Variants in ADAM15 observed in about 807,000 individuals in gnomAD.
ADAM15 encodes the protein ADAM metallopeptidase domain 15.
ADAM15 carries 77 observed loss-of-function variants against 113.8 expected under a neutral mutation model. That is an observed-to-expected ratio of 0.68 (90% CI 0.56 to 0.82). The LOEUF is 0.82. Among genes scored for constraint, ADAM15 ranks in the 40% least tolerant of loss-of-function variants. The probability of loss-of-function intolerance (pLI) is 0.00; values close to 1 mark genes in which losing one functional copy is unlikely to be tolerated. For synonymous variants in ADAM15, 388 were observed against 454.1 expected (o/e 0.85, Z 1.85); for missense variants, 963 against 1,120.1 (o/e 0.86, Z 2.00).
chr1:155,062,349 G>T lies in ADAM15; in HGVS notation c.2529G>T (p.Pro843=). The stretch of plus-strand genomic sequence containing the variant: ...TGCCCGGCCCAGGGGCTGGAATCCC[G>T]CCCCTAGTGGTACCCTCCAGGTAGG... ...GDLPGPGAGI[P]PLVVPSRPAP... The change falls in exon 22 of 23, where the codon CCG becomes CCT. Residue 843 remains proline (P), a synonymous_variant. Coordinates refer to ENST00000356955, the MANE Select transcript of ADAM15 (RefSeq NM_207197.3). This position sits in a 1 kb window ranked among gnomAD's most constrained non-coding sequence, Gnocchi z 7.0. 6.3e-7 allele frequency: 1 copy of T among 1,575,540 alleles called. No homozygotes were observed. The highest frequency in any genetic ancestry group is 8.6e-7 in the Non-Finnish European group (1 of 1,159,602).
intron 16 of ADAM15, 36 bp from the exon 17 acceptor site, chr1:155,059,866 T>G (rs749230670): frequency 1.3e-5 from 21 of 1,602,082 alleles, no homozygotes; most frequent in Non-Finnish European, 1.6e-5. Flanking sequence ...AGTTCCAGAG[T>G]GCAGAGCTCC....
chr1:155,053,107 A>ACCCCCCC (rs5777934), intron 2 of ADAM15, among the ~76,000 whole-genome samples: 196 of 102,336 alleles, frequency 1.9e-3, no homozygotes, highest in Non-Finnish European at 2.6e-3. Context: ...ACCTTACCAA[A>ACCCCCCC]CCCCCCCCCC....
rs201298826 is a variant in ADAM15 at position 155,054,471 on chromosome 1, C to G, written c.577C>G (p.Pro193Ala). 9.8e-5 allele frequency: 156 copies of G among 1,595,432 alleles called. No individual in the cohort carries two copies. Among genetic ancestry groups the G allele is most frequent in the East Asian group, 2.5e-4 (11 of 44,526 alleles). ...WRESVHTQKP[P>A]EHPLGQRHIR... ...GGAATCTGTACACACTCAGAAGCCACCAGAGCACCCCCTGGGACAGCGCCA... is the reference window on the plus strand; with the variant it reads ...GGAATCTGTACACACTCAGAAGCCAGCAGAGCACCCCCTGGGACAGCGCCA... The change falls in exon 6 of 23, where the codon CCA (proline) becomes GCA (alanine). Residue 193 changes from proline (P) to alanine (A), a missense_variant. Physicochemically the swap from Pro to Ala is conservative, Grantham distance 27. Transcript: ENST00000356955.
At position 155,058,510 on chromosome 1, in the gene ADAM15, A is replaced by T; in HGVS notation, c.1917+69A>T. ...TTGGACCACAATGAACAGAGCCCAG[A>T]CTTCACCATTCACCAATGTCAAAGG... On this transcript the variant is annotated intron_variant, in intron 15 of 22. Coordinates refer to ENST00000356955, the MANE Select transcript of ADAM15 (RefSeq NM_207197.3). The surrounding 1 kb of genome is among the most constrained non-coding windows in gnomAD (Gnocchi z 4.3). The T allele has an allele frequency of 6.3e-7, 1 of 1,579,938 alleles. No individual in the cohort carries two copies. Among genetic ancestry groups the T allele is most frequent in the Admixed American group, 1.8e-5 (1 of 54,988 alleles).
At chr1:155,052,879 G>A in intron 2 of ADAM15, 102 bp downstream of exon 2, 1 of 1,459,980 alleles carries the variant, frequency 6.8e-7, no homozygotes, top group Non-Finnish European at 9.2e-7. Flanking sequence ...GGTGGGTAGA[G>A]CTCACTGTAG....
At chr1:155,059,452 C>T (rs1220382740) in intron 16 of ADAM15, among the ~76,000 whole-genome samples, 2 of 152,062 alleles carry the variant, frequency 1.3e-5, no homozygotes, top group African/African-American at 4.8e-5. Flanking sequence ...AGTGAGACCC[C>T]CATCTCTTTC....
In ADAM15 at chr1:155,056,387, G is replaced by T. The variant is rs1661767283; in HGVS notation, c.916G>T (p.Gly306Cys). The change falls in exon 10 of 23, where the codon GGT (glycine) becomes TGT (cysteine). Residue 306 changes from glycine (G) to cysteine (C), a missense_variant and splice_region_variant. Gly to Cys is a radical substitution (Grantham distance 159, BLOSUM62 -3). Coordinates refer to ENST00000356955, the MANE Select transcript of ADAM15 (RefSeq NM_207197.3). This position sits in a 1 kb window ranked among gnomAD's most constrained non-coding sequence, Gnocchi z 4.0. ...LPHDSAQLVT[G>C]TSFSGPTVGM... Reference sequence around the variant, plus strand: ...AACTTTAGCCTCTCTGTCCCACAGTGGTACTTCATTCTCTGGGCCTACGGT... The same window carrying T: ...AACTTTAGCCTCTCTGTCCCACAGTTGTACTTCATTCTCTGGGCCTACGGT... 1.9e-6 allele frequency: 3 copies of T among 1,614,036 alleles called. No individual in the cohort carries two copies. Among genetic ancestry groups the T allele is most frequent in the Non-Finnish European group, 1.7e-6 (2 of 1,179,952 alleles).
At position 155,051,416 on chromosome 1, in the gene ADAM15, G is replaced by A; in HGVS notation, c.30G>A (p.Gly10=). 2 of 1,561,536 alleles carry A rather than the reference G, an allele frequency of 1.3e-6. No individual in the cohort carries two copies. Among genetic ancestry groups the A allele is most frequent in the African/African-American group, 1.4e-5 (1 of 71,676 alleles). The change falls in exon 1 of 23, where the codon GGG becomes GGA. Residue 10 remains glycine (G), a synonymous_variant. Coordinates refer to ENST00000356955, the MANE Select transcript of ADAM15 (RefSeq NM_207197.3). ...GGCTGGCGCTGCTCTGGGCCCTGGG[G>A]CTCCTGGGCGCGGGCAGCCCTCTGC... The part of the protein sequence containing the change: MRLALLWAL[G]LLGAGSPLPS...
rs1368127873 is a variant in ADAM15, at chr1:155,058,337, G to A, written c.1813G>A (p.Val605Met). 1.2e-6 allele frequency: 2 copies of A among 1,614,078 alleles called. No homozygotes were observed. The highest frequency in any genetic ancestry group is 1.3e-5 in the African/African-American group (1 of 75,064). ...IRDLLWETID[V>M]NGTELNCSWV... Reference sequence around the variant, plus strand: ...GGATCTACTCTGGGAGACAATAGATGTGAATGGGACTGAGCTGAACTGCAG... The same window carrying A: ...GGATCTACTCTGGGAGACAATAGATATGAATGGGACTGAGCTGAACTGCAG... The change falls in exon 15 of 23, where the codon GTG becomes ATG. Residue 605 changes from valine to methionine, a missense_variant. Val to Met is a conservative substitution (Grantham distance 21, BLOSUM62 1). Coordinates refer to ENST00000356955, the MANE Select transcript of ADAM15 (RefSeq NM_207197.3). The surrounding 1 kb of genome is among the most constrained non-coding windows in gnomAD (Gnocchi z 4.3).
chr1:155,060,815 C>G lies in ADAM15; in HGVS notation c.2260C>G (p.Leu754Val), dbSNP rs1662471397. 6.2e-7 allele frequency: 1 copy of G among 1,612,058 alleles called. No homozygotes were observed. Among genetic ancestry groups the G allele is most frequent in the Non-Finnish European group, 8.5e-7 (1 of 1,179,914 alleles). ...ERPGPPQRAL[L>V]ARGTKQASAL... Reference sequence around the variant, plus strand: ...GCCAGGACCTCCGCAGAGGGCCCTGCTGGCACGAGGCACTAAGGTGAGTCC... The same window carrying G: ...GCCAGGACCTCCGCAGAGGGCCCTGGTGGCACGAGGCACTAAGGTGAGTCC... Residue 754 changes from leucine to valine, a missense_variant, in exon 19 of 23, where the codon CTG becomes GTG. Coordinates refer to ENST00000356955, the MANE Select transcript of ADAM15 (RefSeq NM_207197.3).
In ADAM15 at chr1:155,062,477, C is replaced by G. The variant is rs543354056; in HGVS notation, c.2567C>G (p.Pro856Arg). The change falls in exon 23 of 23, where the codon CCG (proline) becomes CGG (arginine). Residue 856 changes from proline to arginine, a missense_variant. By Grantham distance (103) the Pro-to-Arg change is moderately radical (BLOSUM62 -2). Coordinates refer to ENST00000356955, the MANE Select transcript of ADAM15 (RefSeq NM_207197.3). The surrounding 1 kb of genome is among the most constrained non-coding windows in gnomAD (Gnocchi z 7.0). ...CAATCCAGACCAGCGCCACCGCCTC[C>G]GACAGTGTCCTCGCTCTACCTCTGA... is the stretch of plus-strand genomic sequence containing the variant. ...VVPSRPAPPP[P>R]TVSSLYL The G allele has an allele frequency of 6.2e-7, 1 of 1,613,466 alleles. No individual in the cohort carries two copies. The highest frequency in any genetic ancestry group is 8.5e-7 in the Non-Finnish European group (1 of 1,179,984).
Position 155,058,461 on chromosome 1 carries a change from A to C in ADAM15, c.1917+20A>C. 6.2e-7 allele frequency: 1 copy of C among 1,608,114 alleles called. No individual in the cohort carries two copies. Among genetic ancestry groups the C allele is most frequent in the Non-Finnish European group, 8.5e-7 (1 of 1,179,802 alleles). On this transcript the variant is annotated intron_variant, in intron 15 of 22. Coordinates refer to ENST00000356955, the MANE Select transcript of ADAM15 (RefSeq NM_207197.3). This position sits in a 1 kb window ranked among gnomAD's most constrained non-coding sequence, Gnocchi z 4.3. ...GGCCTGGTGAGCAGCCTGGGTGGGC[A>C]AGACCAGGTGTGAGAAGGGACATTT...
At position 155,052,762 on chromosome 1, in the gene ADAM15, C is replaced by G. The variant is rs370371360; in HGVS notation, c.171C>G (p.Leu57=). The change falls in exon 2 of 23, where the codon CTC becomes CTG. Residue 57 remains leucine (L), a synonymous_variant. Coordinates refer to ENST00000356955, the MANE Select transcript of ADAM15 (RefSeq NM_207197.3). The part of the protein sequence containing the change: ...QVLQDDLPIS[L]KKVLQTSLPE... The stretch of plus-strand genomic sequence containing the variant: ...TTCAGGACGATCTCCCAATTAGCCT[C>G]AAAAAGGTGCTTCAGGTGAGCTCTC... 1 of 1,611,434 alleles carries G rather than the reference C, an allele frequency of 6.2e-7. No individual in the cohort carries two copies. Among genetic ancestry groups the G allele is most frequent in the Non-Finnish European group, 8.5e-7 (1 of 1,179,140 alleles).
rs1333945930 is a variant in ADAM15 at position 155,061,894 on chromosome 1, C to T, written c.2353-10C>T. On this transcript the variant is annotated splice_polypyrimidine_tract_variant and intron_variant, in intron 20 of 22. Coordinates refer to ENST00000356955, the MANE Select transcript of ADAM15 (RefSeq NM_207197.3). ...ATGCTCTCACAGCCACTGCCCCTCTCTCTGTTCAGGCTGAGCTGGCTGACC... is the reference window on the plus strand; with the variant it reads ...ATGCTCTCACAGCCACTGCCCCTCTTTCTGTTCAGGCTGAGCTGGCTGACC... 1 of 1,517,286 alleles carries T rather than the reference C, an allele frequency of 6.6e-7. No individual in the cohort carries two copies. Among genetic ancestry groups the T allele is most frequent in the Non-Finnish European group, 8.8e-7 (1 of 1,130,598 alleles). 94.0% of individuals were successfully genotyped at this position (1,517,286 alleles called of 1,614,324 possible). A position where few individuals can be genotyped will look rare whatever the true frequency, so the allele number is the denominator to read the frequency against.
chr1:155,054,107 G>C (rs1247516896), intron 4 of ADAM15, 43 bp from the exon 5 acceptor site: 1 of 1,612,736 alleles, frequency 6.2e-7, no homozygotes, highest in Non-Finnish European at 8.5e-7. Context: ...TCCAGTCCTG[G>C]TGTGCTCTCT....
At chr1:155,054,276 A>C in intron 5 of ADAM15, 38 bp from the exon 6 acceptor site, 7 of 1,585,862 alleles carry the variant, frequency 4.4e-6, no homozygotes, top group Non-Finnish European at 6.0e-6. Context: ...AGACCCAGGC[A>C]TGGAGCTGAA....
Position 155,051,469 on chromosome 1 carries a change from A to G in ADAM15, c.79+4A>G. 6.4e-7 allele frequency: 1 copy of G among 1,561,780 alleles called. No homozygotes were observed. Among genetic ancestry groups the G allele is most frequent in the Non-Finnish European group, 8.6e-7 (1 of 1,158,936 alleles). On this transcript the variant is annotated splice_donor_region_variant and intron_variant, in intron 1 of 22. Coordinates refer to ENST00000356955, the MANE Select transcript of ADAM15 (RefSeq NM_207197.3). Reference sequence around the variant, plus strand: ...TCCTGGCCGCTCCCAAATATAGGTGAGTCCTCCGCCTGGAGTGGGTCGGGG... The same window carrying G: ...TCCTGGCCGCTCCCAAATATAGGTGGGTCCTCCGCCTGGAGTGGGTCGGGG...
At position 155,059,919 on chromosome 1, in the gene ADAM15, GCACTGCTA is replaced by G. The variant is rs761714919; in HGVS notation, c.2015_2022del (p.His672LeufsTer2). On this transcript the variant is annotated frameshift_variant, in exon 17 of 23. Coordinates refer to ENST00000356955, the MANE Select transcript of ADAM15 (RefSeq NM_207197.3). LOFTEE classifies it high-confidence loss of function. ...CCTCCTAGGTCTGTGACAGCAACAG[GCACTGCTA>G]CTGTGAGGAGGGCTGGGCACCCCCT... 1 of 1,614,026 alleles carries G rather than the reference GCACTGCTA, an allele frequency of 6.2e-7. No homozygotes were observed. The highest frequency in any genetic ancestry group is 1.7e-5 in the Admixed American group (1 of 60,014).
chr1:155,057,424 C>G lies in ADAM15; in HGVS notation c.1323+62C>G. On this transcript the variant is annotated intron_variant, in intron 12 of 22. Coordinates refer to ENST00000356955, the MANE Select transcript of ADAM15 (RefSeq NM_207197.3). The surrounding 1 kb of genome is among the most constrained non-coding windows in gnomAD (Gnocchi z 5.0). Reference sequence around the variant, plus strand: ...CTGTACCCTCACCCTGGCTCATTAGCCCTATCCCAGCCTCCTGAGCTCTTG... The same window carrying G: ...CTGTACCCTCACCCTGGCTCATTAGGCCTATCCCAGCCTCCTGAGCTCTTG... 1 of 1,597,172 alleles carries G rather than the reference C, an allele frequency of 6.3e-7. No individual in the cohort carries two copies. Among genetic ancestry groups the G allele is most frequent in the South Asian group, 1.1e-5 (1 of 90,050 alleles).
Sources: allele counts gnomAD v4.1 joint callset (sites outside exome capture counted in the v4.1 genomes callset), GRCh38; gene constraint gnomAD v4.1.1; non-coding constraint Gnocchi (gnomAD v3.1); transcripts MANE v1.5; gene names NCBI Gene and HGNC (gene_info 2026-07-23, HGNC 2026-07-21).